CDH12: variants seen among roughly 807,000 people sequenced by gnomAD.
CDH12 encodes the protein cadherin 12.
CDH12 carries 41 observed loss-of-function variants against 74.1 expected under a neutral mutation model. The observed-to-expected ratio is 0.55, with a 90% CI of 0.43 to 0.72. The LOEUF (loss-of-function observed/expected upper bound fraction) is 0.72, where lower values mean the gene tolerates loss of function less well. CDH12 is among the 30% of genes least tolerant of loss of function. The probability of loss-of-function intolerance (pLI) is 0.00; values close to 1 mark genes in which losing one functional copy is unlikely to be tolerated. For synonymous variants in CDH12, 399 were observed against 355.0 expected (o/e 1.12, Z -1.39); for missense variants, 945 against 977.2 (o/e 0.97, Z 0.44).
chr5:21,990,735 T>G (rs915644007), intron 5 of CDH12, among the ~76,000 whole-genome samples: 2 of 151,240 alleles, frequency 1.3e-5, no homozygotes, highest in African/African-American at 4.9e-5. Flanking sequence ...AAAAACACTA[T>G]GATTACAATC....
intron 4 of CDH12, among the ~76,000 whole-genome samples, chr5:22,082,888 T>G (rs1561091877): frequency 6.6e-6 from 1 of 152,218 alleles, no homozygotes; most frequent in Non-Finnish European, 1.5e-5. Context: ...TTCCAGATTT[T>G]TATGCATTTC....
In CDH12 at chr5:21,781,155, C is replaced by T. The variant is rs117182887; in HGVS notation, c.1393+2203G>A. ...GCAACCTATAACGCACCTGTTTTAA[C>T]ATCATAAAGATGAGTGAATTTCCCA... is the stretch of plus-strand genomic sequence containing the variant. On this transcript the variant is annotated intron_variant, in intron 11 of 14. Coordinates refer to ENST00000382254, the MANE Select transcript of CDH12 (RefSeq NM_004061.5). Among the ~76,000 whole-genome samples the T allele has an allele frequency of 6.7e-4, 102 of 152,178 alleles. 3 individuals carry two copies. The East Asian group carries it at 0.018, about 27-fold the overall frequency.
At chr5:21,867,447 G>A (rs186898725) in intron 6 of CDH12, among the ~76,000 whole-genome samples, 2 of 152,226 alleles carry the variant, frequency 1.3e-5, no homozygotes, top group East Asian at 1.9e-4. Flanking sequence ...TAGCCAGGGC[G>A]GGGCTGCCAA....
intron 6 of CDH12, among the ~76,000 whole-genome samples, chr5:21,865,452 C>T (rs983201854): frequency 6.6e-6 from 1 of 152,138 alleles, no homozygotes; most frequent in African/African-American, 2.4e-5. Flanking sequence ...TTTCAGAGCA[C>T]CTCAAGGCTT....
At chr5:22,681,092 T>C (rs920836908) in intron 1 of CDH12, among the ~76,000 whole-genome samples, 10 of 152,072 alleles carry the variant, frequency 6.6e-5, no homozygotes, top group African/African-American at 2.4e-4. Flanking sequence ...AATTACCTCA[T>C]GGTTAAAACC....
At chr5:22,826,529 A>T (rs1032128112) in intron 1 of CDH12, among the ~76,000 whole-genome samples, 1 of 152,172 alleles carries the variant, frequency 6.6e-6, no homozygotes, top group African/African-American at 2.4e-5. Flanking sequence ...GAGGGCTCAG[A>T]AGAAGACAGG....
chr5:21,890,142 T>C (rs549752652), intron 6 of CDH12, among the ~76,000 whole-genome samples: 84 of 152,260 alleles, frequency 5.5e-4, no homozygotes, highest in African/African-American at 1.7e-3. Context: ...TGGGTGTATG[T>C]GTATGTCTTA....
At chr5:22,799,110 C>T (rs1297087665) in intron 1 of CDH12, among the ~76,000 whole-genome samples, 1 of 152,050 alleles carries the variant, frequency 6.6e-6, no homozygotes, top group African/African-American at 2.4e-5. Context: ...GAGCCAGACC[C>T]AGTCTCAAAC....
At chr5:21,900,332 A>T (rs1753326755) in intron 6 of CDH12, among the ~76,000 whole-genome samples, 1 of 152,230 alleles carries the variant, frequency 6.6e-6, no homozygotes, top group African/African-American at 2.4e-5. Context: ...ATTCAAGTAA[A>T]CAATACGTTA....
chr5:22,778,473 G>C (rs1747219567), intron 1 of CDH12, among the ~76,000 whole-genome samples: 2 of 152,066 alleles, frequency 1.3e-5, no homozygotes, highest in African/African-American at 4.8e-5. Flanking sequence ...GTCTACTCTT[G>C]AATTATTCCA....
chr5:22,004,241 T>C (rs952704796), intron 5 of CDH12, among the ~76,000 whole-genome samples: 1 of 152,220 alleles, frequency 6.6e-6, no homozygotes, highest in African/African-American at 2.4e-5. Flanking sequence ...GCTTGTAAAC[T>C]ATTCCTTCCT....
chr5:22,192,227 C>G (rs1403907238), intron 4 of CDH12, among the ~76,000 whole-genome samples: 4 of 152,118 alleles, frequency 2.6e-5, no homozygotes, highest in Admixed American at 2.0e-4. Context: ...AGTCACCATG[C>G]CTGGCAGTCA....
intron 3 of CDH12, among the ~76,000 whole-genome samples, chr5:22,280,764 A>G (rs1736842956): frequency 1.3e-5 from 2 of 152,204 alleles, no homozygotes; most frequent in African/African-American, 4.8e-5. Context: ...CCAGGACCAG[A>G]TGGATTCACA....
intron 1 of CDH12, among the ~76,000 whole-genome samples, chr5:22,607,537 C>T (rs891380912): frequency 1.3e-5 from 2 of 152,274 alleles, no homozygotes; most frequent in South Asian, 2.1e-4. Flanking sequence ...CTCACTATCA[C>T]GAGACTAGCA....
intron 1 of CDH12, among the ~76,000 whole-genome samples, chr5:22,505,617 A>G (rs772488935): frequency 5.9e-5 from 9 of 152,004 alleles, no homozygotes; most frequent in Non-Finnish European, 1.3e-4. Flanking sequence ...ATTGTGATAG[A>G]TGGATCCAAA....
intron 1 of CDH12, among the ~76,000 whole-genome samples, chr5:22,646,650 A>G (rs1346751201): frequency 2.6e-5 from 4 of 151,974 alleles, no homozygotes; most frequent in Non-Finnish European, 5.9e-5. Flanking sequence ...GATTATAGAT[A>G]AAAACAACAA....
In CDH12 at chr5:22,125,190, C is replaced by T. The variant is rs10073363; in HGVS notation, c.-186-46328G>A. Among the ~76,000 whole-genome samples, 575 of 151,936 alleles carry T rather than the reference C, an allele frequency of 3.8e-3. 5 individuals are homozygous for T. Among genetic ancestry groups the T allele is most frequent in the African/African-American group, 0.013 (542 of 41,410 alleles). Reference sequence around the variant, plus strand: ...CATGTACCATGGTGGTTTGCTGTACCTATCAACCTGTCATCTAGGTTTTAA... The same window carrying T: ...CATGTACCATGGTGGTTTGCTGTACTTATCAACCTGTCATCTAGGTTTTAA... On this transcript the variant is annotated intron_variant, in intron 4 of 14. Coordinates refer to ENST00000382254, the MANE Select transcript of CDH12 (RefSeq NM_004061.5).
chr5:22,259,346 T>C (rs1160306388), intron 3 of CDH12, among the ~76,000 whole-genome samples: 1 of 152,090 alleles, frequency 6.6e-6, no homozygotes, highest in Non-Finnish European at 1.5e-5. Flanking sequence ...TAAAAAAACA[T>C]ATATTATTGT....
intron 1 of CDH12, among the ~76,000 whole-genome samples, chr5:22,651,404 G>C (rs1739728682): frequency 6.6e-6 from 1 of 152,090 alleles, no homozygotes; most frequent in Non-Finnish European, 1.5e-5. Context: ...GAGGCCTCAG[G>C]AAACTTACAG....
Sources: allele counts gnomAD v4.1 joint callset (sites outside exome capture counted in the v4.1 genomes callset), GRCh38; gene constraint gnomAD v4.1.1; transcripts MANE v1.5; gene names NCBI Gene and HGNC (gene_info 2026-07-23, HGNC 2026-07-21).